The following CRB1 variants were observed in gnomAD, a reference collection of about 807,000 sequenced individuals.
CRB1 encodes protein crumbs homolog 1.
In CRB1, 83 loss-of-function variants were observed where a neutral mutation model predicts 120.0. The observed-to-expected ratio is 0.69, with a 90% CI of 0.58 to 0.83. CRB1 has a LOEUF of 0.83. Ranked by LOEUF, CRB1 falls within the 40% of genes least tolerant of loss-of-function variation. The probability of loss-of-function intolerance (pLI) is 0.00; values close to 1 mark genes in which losing one functional copy is unlikely to be tolerated. For synonymous variants in CRB1, 625 were observed against 612.5 expected, an observed-to-expected ratio of 1.02 and a Z score of -0.30; for missense variants, 1,699 against 1,687.6, an observed-to-expected ratio of 1.01 and a Z score of -0.12.
chr1:197,405,869 G>A lies in CRB1; in HGVS notation c.1172-15131G>A, dbSNP rs1236925708. On this transcript the variant is annotated intron_variant, in intron 5 of 11. Transcript: ENST00000367400. ...CCACCCCGTCTGGGAAGTGAGGAGC[G>A]TCTCCGCCCCGCAGCCACCCCGTCT... 4.2e-4 allele frequency among the ~76,000 whole-genome samples: 64 copies of A among 151,630 alleles called. 1 individual carries two copies. The highest frequency in any genetic ancestry group is 7.2e-4 in the Non-Finnish European group (49 of 67,878).
chr1:197,236,107 A>G, the CRB1 span, among the ~76,000 whole-genome samples: 12 of 151,838 alleles, frequency 7.9e-5, no homozygotes, highest in Non-Finnish European at 1.5e-4. Context: ...AATAGACTGT[A>G]GGATTATTAA....
At chr1:197,439,043 A>G (rs1001749249) in intron 10 of CRB1, 7 of 281,788 alleles carry the variant, frequency 2.5e-5, no homozygotes, top group Non-Finnish European at 4.8e-5. Flanking sequence ...ATTGCCTCAT[A>G]GAATTGCCTA....
intron 5 of CRB1, among the ~76,000 whole-genome samples, chr1:197,383,507 T>C (rs769573953): frequency 3.3e-5 from 5 of 152,224 alleles, no homozygotes; most frequent in Non-Finnish European, 7.3e-5. Flanking sequence ...AACTGCTACT[T>C]AAGATACTCT....
At position 197,444,145 on chromosome 1, in the gene CRB1, G is replaced by A. The variant is rs1665589609; in HGVS notation, c.4005+1853G>A. The A allele has an allele frequency of 2.6e-5, 4 of 152,102 alleles. No individual in the cohort carries two copies. In the South Asian group the frequency reaches 8.3e-4, roughly 32 times the overall value. The allele number at this position is 152,102 out of a possible 1,614,324, so 9.4% of individuals were successfully genotyped here. A position where few individuals can be genotyped will look rare whatever the true frequency, so the allele number is the denominator to read the frequency against. Reference sequence around the variant, plus strand: ...TTAAATATACCATTCAAACAAACAAGGACAAAATAATATCCTTGTTATAGA... The same window carrying A: ...TTAAATATACCATTCAAACAAACAAAGACAAAATAATATCCTTGTTATAGA... On this transcript the variant is annotated intron_variant, in intron 11 of 11. Coordinates refer to ENST00000367400, the MANE Select transcript of CRB1 (RefSeq NM_201253.3).
chr1:197,467,082 C>G (rs1666778776), intron 11 of CRB1, among the ~76,000 whole-genome samples: 1 of 151,996 alleles, frequency 6.6e-6, no homozygotes, highest in Non-Finnish European at 1.5e-5. Flanking sequence ...ATAAGCAAGG[C>G]CTGGTATAGC....
At chr1:197,286,829 C>G (rs1655852851) in intron 1 of CRB1, among the ~76,000 whole-genome samples, 1 of 151,704 alleles carries the variant, frequency 6.6e-6, no homozygotes, top group Non-Finnish European at 1.5e-5. Flanking sequence ...TAATTTAATG[C>G]AAAGCCATAT....
chr1:197,380,980 G>A (rs1661925999), intron 5 of CRB1, among the ~76,000 whole-genome samples: 1 of 152,180 alleles, frequency 6.6e-6, no homozygotes, highest in Admixed American at 6.5e-5. Context: ...TAGGAAAAGG[G>A]AAGAGATTCC....
At chr1:197,368,438 G>T (rs1368279871) in intron 5 of CRB1, among the ~76,000 whole-genome samples, 1 of 151,974 alleles carries the variant, frequency 6.6e-6, no homozygotes, top group African/African-American at 2.4e-5. Flanking sequence ...AACTATTTAC[G>T]CTTGTACTCC....
At chr1:197,324,685 GA>G (rs1658395431) in intron 1 of CRB1, among the ~76,000 whole-genome samples, 1 of 152,138 alleles carries the variant, frequency 6.6e-6, no homozygotes, top group Non-Finnish European at 1.5e-5. Context: ...GCAGAGCCAG[GA>G]TTTAAACCCA....
chr1:197,397,192 A>G (rs1662814561), intron 5 of CRB1, among the ~76,000 whole-genome samples: 1 of 152,172 alleles, frequency 6.6e-6, no homozygotes, highest in Non-Finnish European at 1.5e-5. Flanking sequence ...CAATATCAAT[A>G]ACATGTCCAT....
At chr1:197,243,345 TTAGCA>T in the CRB1 span, among the ~76,000 whole-genome samples, 1 of 152,206 alleles carries the variant, frequency 6.6e-6, no homozygotes, top group African/African-American at 2.4e-5. Context: ...AAACACTACT[TTAGCA>T]TTGTCCCAGA....
chr1:197,328,596 G>T lies in CRB1; in HGVS notation c.245G>T (p.Ser82Ile). 7 of 1,614,232 alleles carry T rather than the reference G, an allele frequency of 4.3e-6. No homozygotes were observed. Among genetic ancestry groups the T allele is most frequent in the Non-Finnish European group, 5.9e-6 (7 of 1,180,036 alleles). ...TGCTTCTCCAATCCCTGTCAAGGAA[G>T]TGCCACTTGTGTGAACACCCCAGGA... ...DPCFSNPCQGSATCVNTPGER... is the reference protein window; with the variant it reads ...DPCFSNPCQGIATCVNTPGER... Residue 82 changes from serine (S) to isoleucine (I), a missense_variant, in exon 2 of 12, where the codon AGT becomes ATT. Physicochemically the swap from Ser to Ile is moderately radical, Grantham distance 142. Transcript: ENST00000367400.
intron 10 of CRB1, 114 bp from the exon 11 acceptor site, chr1:197,442,052 A>T (rs917988072): frequency 8.6e-6 from 10 of 1,156,098 alleles, no homozygotes; most frequent in African/African-American, 7.6e-5. Flanking sequence ...GTATGTGTGG[A>T]TGGGTAGATA....
intron 10 of CRB1, 121 bp from the exon 11 acceptor site, chr1:197,442,045 T>C: frequency 9.2e-7 from 1 of 1,081,334 alleles, no homozygotes; most frequent in South Asian, 1.3e-5. Flanking sequence ...GTATAAAGTA[T>C]GTGTGGATGG....
At chr1:197,361,577 A>T (rs1660770855) in intron 5 of CRB1, among the ~76,000 whole-genome samples, 1 of 151,586 alleles carries the variant, frequency 6.6e-6, no homozygotes, top group African/African-American at 2.4e-5. Flanking sequence ...TAGTGATCGG[A>T]TCTTCTATAT....
intron 1 of CRB1, among the ~76,000 whole-genome samples, chr1:197,278,554 C>G (rs186262074): frequency 6.6e-6 from 1 of 151,984 alleles, no homozygotes; most frequent in East Asian, 1.9e-4. Context: ...TACAATAGCT[C>G]TTAAAAGCTT....
intron 1 of CRB1, among the ~76,000 whole-genome samples, chr1:197,324,113 A>G (rs569997275): frequency 6.6e-6 from 1 of 152,306 alleles, no homozygotes; most frequent in Non-Finnish European, 1.5e-5. Flanking sequence ...GCCAAAACCA[A>G]TCTTCTTACC....
At chr1:197,310,293 TA>T (rs940399660) in intron 1 of CRB1, among the ~76,000 whole-genome samples, 7 of 151,916 alleles carry the variant, frequency 4.6e-5, no homozygotes, top group African/African-American at 1.7e-4. Context: ...TAGAAAAATA[TA>T]AAAAAAACCC....
chr1:197,386,992 T>A (rs1274350222), intron 5 of CRB1, among the ~76,000 whole-genome samples: 2 of 152,164 alleles, frequency 1.3e-5, no homozygotes, highest in African/African-American at 2.4e-5. Context: ...TTAACAGTCT[T>A]CCCTGATAGA....
Sources: allele counts gnomAD v4.1 joint callset (sites outside exome capture counted in the v4.1 genomes callset), GRCh38; gene constraint gnomAD v4.1.1; transcripts MANE v1.5; gene names NCBI Gene and HGNC (gene_info 2026-07-23, HGNC 2026-07-21).